Variants in ZSCAN20 observed in about 807,000 individuals in gnomAD.
ZSCAN20 encodes zinc finger and SCAN domain-containing protein 20.
Under a neutral mutation model 97.1 loss-of-function variants are expected in ZSCAN20, and 39 were observed. The observed-to-expected ratio is 0.40, with a 90% CI of 0.31 to 0.52. The LOEUF is 0.52. Among genes scored for constraint, ZSCAN20 ranks in the 20% least tolerant of loss-of-function variants. ZSCAN20 has a pLI of 0.49. For synonymous variants in ZSCAN20, 456 were observed against 467.3 expected (o/e 0.98, Z 0.31); for missense variants, 1,115 against 1,290.4 (o/e 0.86, Z 2.08).
intron 1 of ZSCAN20, among the ~76,000 whole-genome samples, chr1:33,475,227 A>G (rs1232286536): frequency 6.6e-6 from 1 of 152,208 alleles, no homozygotes; most frequent in Non-Finnish European, 1.5e-5. Flanking sequence ...ACCACTTGCT[A>G]GTTGTGTAAC....
chr1:33,476,768 A>G (rs116196154), intron 1 of ZSCAN20, among the ~76,000 whole-genome samples: 1 of 152,386 alleles, frequency 6.6e-6, no homozygotes, highest in African/African-American at 2.4e-5. Flanking sequence ...AAGAAATTTC[A>G]TGAAAGGCAA....
At chr1:33,488,019 T>C (rs907557482) in intron 2 of ZSCAN20, among the ~76,000 whole-genome samples, 5 of 152,164 alleles carry the variant, frequency 3.3e-5, no homozygotes, top group Non-Finnish European at 5.9e-5. Context: ...TCAGCAGAGA[T>C]ATTTAGAGCA....
At position 33,498,634 on chromosome 1, in the gene ZSCAN20, G is replaced by A. The variant is rs1652956365; in HGVS notation, c.*3158G>A. Among the ~76,000 whole-genome samples the A allele has an allele frequency of 6.6e-6, 1 of 152,188 alleles. No individual in the cohort carries two copies. Among genetic ancestry groups the A allele is most frequent in the African/African-American group, 2.4e-5 (1 of 41,452 alleles). The stretch of plus-strand genomic sequence containing the variant: ...GGGAAGTAGATTCACTCTGCAGAAT[G>A]GGTGGACAGTTTCTCAGCCTTCCTG... On this transcript the variant is annotated 3_prime_UTR_variant, in exon 8 of 8. Coordinates refer to ENST00000684572, the MANE Select transcript of ZSCAN20 (RefSeq NM_001377376.1).
intron 5 of ZSCAN20, among the ~76,000 whole-genome samples, 180 bp from the exon 6 acceptor site, chr1:33,490,845 T>A (rs1000208654): frequency 6.6e-6 from 1 of 152,050 alleles, no homozygotes; most frequent in Non-Finnish European, 1.5e-5. Context: ...ACTTAACATT[T>A]CTCATATATT....
chr1:33,479,547 A>G lies in ZSCAN20; in HGVS notation c.259A>G (p.Lys87Glu). The part of the protein sequence containing the change: ...CRWLRPEIRL[K>E]EQILELLVLE... ...TTGGCTGAGGCCGGAGATCCGTCTC[A>G]AAGAGCAGATCCTGGAGCTGCTCGT... The change falls in exon 2 of 8, where the codon AAA becomes GAA. Residue 87 changes from lysine (K) to glutamate (E), a missense_variant. Around this residue, in one of 3 missense-constraint regions of ZSCAN20, gnomAD observed 508 missense variants for 611.2 expected, o/e 0.83. Coordinates refer to ENST00000684572, the MANE Select transcript of ZSCAN20 (RefSeq NM_001377376.1). 1 of 1,613,836 alleles carries G rather than the reference A, an allele frequency of 6.2e-7. No individual in the cohort carries two copies.
At position 33,495,538 on chromosome 1, in the gene ZSCAN20, T is replaced by A. The variant is rs1024840866; in HGVS notation, c.*62T>A. 7.3e-7 allele frequency: 1 copy of A among 1,366,588 alleles called. No individual in the cohort carries two copies. Among genetic ancestry groups the A allele is most frequent in the Non-Finnish European group, 9.5e-7 (1 of 1,049,010 alleles). The allele number at this position is 1,366,588 out of a possible 1,614,324, so 84.7% of individuals were successfully genotyped here. ...TATATATCTTATATCATAAGATGTA[T>A]GCTAGAGATAAACTTTCCAATTTTT... On this transcript the variant is annotated 3_prime_UTR_variant, in exon 8 of 8. Transcript: ENST00000684572.
At chr1:33,486,660 CT>C (rs1464410964) in intron 2 of ZSCAN20, among the ~76,000 whole-genome samples, 1 of 152,152 alleles carries the variant, frequency 6.6e-6, no homozygotes, top group African/African-American at 2.4e-5. Flanking sequence ...AGAATCTTTG[CT>C]TAGGGATGGT....
At position 33,498,223 on chromosome 1, in the gene ZSCAN20, C is replaced by T. The variant is rs1652943244; in HGVS notation, c.*2747C>T. ...CTCACTGTGGAAGTCAAGCTGAGCT[C>T]TGTGTGGATGTGAGGTGGTAGTCCT... On this transcript the variant is annotated 3_prime_UTR_variant, in exon 8 of 8. Transcript: ENST00000684572. 6.6e-6 allele frequency among the ~76,000 whole-genome samples: 1 copy of T among 152,180 alleles called. No homozygotes were observed. The highest frequency in any genetic ancestry group is 1.5e-5 in the Non-Finnish European group (1 of 68,032).
Position 33,488,585 on chromosome 1 carries a change from A to C in ZSCAN20, c.538A>C (p.Asn180His). The C allele has an allele frequency of 6.2e-7, 1 of 1,613,286 alleles. No individual in the cohort carries two copies. Among genetic ancestry groups the C allele is most frequent in the Non-Finnish European group, 8.5e-7 (1 of 1,179,768 alleles). The stretch of plus-strand genomic sequence containing the variant: ...ACAGTCCCAGAAGAAGGGGGTGAAG[A>C]ATACATGCCCTGACCTTCCCAATCA... ...EGQSQKKGVK[N>H]TCPDLPNHLN... Residue 180 changes from asparagine to histidine, a missense_variant, in exon 3 of 8, where the codon AAT (asparagine) becomes CAT (histidine). Physicochemically the swap from Asn to His is moderately conservative, Grantham distance 68 (BLOSUM62 1). Coordinates refer to ENST00000684572, the MANE Select transcript of ZSCAN20 (RefSeq NM_001377376.1).
rs1383036983 is a variant in ZSCAN20, at chr1:33,497,107, A to C, written c.*1631A>C. 1.3e-5 allele frequency among the ~76,000 whole-genome samples: 2 copies of C among 152,176 alleles called. No homozygotes were observed. The highest frequency in any genetic ancestry group is 2.9e-5 in the Non-Finnish European group (2 of 68,028). Reference sequence around the variant, plus strand: ...AGTACCTATCAGATAGTGGATGTGAAGCAGCCTTGAAGAATGGAACTTTTA... The same window carrying C: ...AGTACCTATCAGATAGTGGATGTGACGCAGCCTTGAAGAATGGAACTTTTA... On this transcript the variant is annotated 3_prime_UTR_variant, in exon 8 of 8. Transcript: ENST00000684572.
In ZSCAN20 at chr1:33,493,503, C is replaced by T. The variant is rs762123970; in HGVS notation, c.1761C>T (p.Leu587=). ...AMGTVREAAG[L]PRCGQSSAET... ...GGACTGTCCGAGAGGCTGCAGGTCT[C>T]CCTAGGTGTGGGCAGAGTAGTGCTG... Residue 587 remains leucine, a synonymous_variant, in exon 7 of 8, where the codon CTC becomes CTT. Transcript: ENST00000684572. The surrounding 1 kb of genome is among the most constrained non-coding windows in gnomAD (Gnocchi z 4.3). The T allele has an allele frequency of 1.7e-5, 27 of 1,614,014 alleles. No individual in the cohort carries two copies. The highest frequency in any genetic ancestry group is 1.2e-4 in the South Asian group (11 of 91,084).
chr1:33,494,793 T>C lies in ZSCAN20; in HGVS notation c.2449T>C (p.Leu817=). 6.2e-7 allele frequency: 1 copy of C among 1,613,996 alleles called. No individual in the cohort carries two copies. Among genetic ancestry groups the C allele is most frequent in the Non-Finnish European group, 8.5e-7 (1 of 1,179,988 alleles). The part of the protein sequence containing the change: ...SNLLKHQRIH[L]GGNPDQCSEP... ...CCTTCTGAAACATCAGAGAATCCACTTGGGAGGAAATCCTGACCAGTGTAG... is the reference window on the plus strand; with the variant it reads ...CCTTCTGAAACATCAGAGAATCCACCTGGGAGGAAATCCTGACCAGTGTAG... Residue 817 remains leucine (L), a synonymous_variant, in exon 8 of 8, where the codon TTG becomes CTG. Transcript: ENST00000684572.
chr1:33,478,033 G>C (rs1158254831), intron 1 of ZSCAN20, among the ~76,000 whole-genome samples: 1 of 152,134 alleles, frequency 6.6e-6, no homozygotes, highest in Non-Finnish European at 1.5e-5. Flanking sequence ...CGTGGTGTAA[G>C]ATCTGGAAGC....
chr1:33,488,396 G>C, intron 2 of ZSCAN20, 69 bp from the exon 3 acceptor site: 1 of 1,521,782 alleles, frequency 6.6e-7, no homozygotes, highest in Non-Finnish European at 9.0e-7. Context: ...CTGGACTGCA[G>C]TTGTACTCAA....
Position 33,498,702 on chromosome 1 carries a change from T to C in ZSCAN20, c.*3226T>C, listed in dbSNP as rs1652958484. On this transcript the variant is annotated 3_prime_UTR_variant, in exon 8 of 8. Coordinates refer to ENST00000684572, the MANE Select transcript of ZSCAN20 (RefSeq NM_001377376.1). ...GGTTATGGAAAACCAAACCAGCAAA[T>C]GCTGCCCTGGGAGGGTGTTACATCA... Among the ~76,000 whole-genome samples, 1 of 152,146 alleles carries C rather than the reference T, an allele frequency of 6.6e-6. No individual in the cohort carries two copies.
In ZSCAN20 at chr1:33,479,621, G is replaced by T; in HGVS notation, c.333G>T (p.Val111=). The T allele has an allele frequency of 3.7e-6, 6 of 1,612,558 alleles. No homozygotes were observed. Among genetic ancestry groups the T allele is most frequent in the Non-Finnish European group, 5.1e-6 (6 of 1,179,318 alleles). Residue 111 remains valine (V), a synonymous_variant, in exon 2 of 8, where the codon GTG becomes GTT. Coordinates refer to ENST00000684572, the MANE Select transcript of ZSCAN20 (RefSeq NM_001377376.1). ...TILPREVQTW[V]QARHPESGEE... ...TGCCTAGGGAGGTCCAGACCTGGGT[G>T]CAGGCACGCCACCCTGAGAGTGGTG...
At position 33,495,529 on chromosome 1, in the gene ZSCAN20, T is replaced by A. The variant is rs1310361074; in HGVS notation, c.*53T>A. On this transcript the variant is annotated 3_prime_UTR_variant, in exon 8 of 8. Coordinates refer to ENST00000684572, the MANE Select transcript of ZSCAN20 (RefSeq NM_001377376.1). ...GACTCAATGTATATATCTTATATCA[T>A]AAGATGTATGCTAGAGATAAACTTT... 7.1e-7 allele frequency: 1 copy of A among 1,411,740 alleles called. No homozygotes were observed. Among genetic ancestry groups the A allele is most frequent in the African/African-American group, 1.4e-5 (1 of 70,440 alleles). 87.5% of individuals were successfully genotyped at this position (1,411,740 alleles called of 1,614,324 possible).
intron 1 of ZSCAN20, among the ~76,000 whole-genome samples, chr1:33,473,935 T>C (rs1651826258): frequency 6.6e-6 from 1 of 152,248 alleles, no homozygotes; most frequent in Non-Finnish European, 1.5e-5. Context: ...ATGAAGACCA[T>C]GCAGGGTAAG....
Position 33,494,432 on chromosome 1 carries a change from A to T in ZSCAN20, c.2088A>T (p.Lys696Asn). Residue 696 changes from lysine to asparagine, a missense_variant, in exon 8 of 8, where the codon AAA becomes AAT. By Grantham distance (94) the Lys-to-Asn change is moderately conservative. Transcript: ENST00000684572. ...GTTCTTCTGAAGAGGACTTAGAAAAACTTATTGACCATCAAGGCCTGTACC... is the reference window on the plus strand; with the variant it reads ...GTTCTTCTGAAGAGGACTTAGAAAATCTTATTGACCATCAAGGCCTGTACC... ...QESSSEEDLEKLIDHQGLYLA... is the reference protein window; with the variant it reads ...QESSSEEDLENLIDHQGLYLA... 2 of 1,613,428 alleles carry T rather than the reference A, an allele frequency of 1.2e-6. No homozygotes were observed. The highest frequency in any genetic ancestry group is 1.7e-6 in the Non-Finnish European group (2 of 1,179,634).
Sources: gnomAD v4.1 joint callset for allele counts (sites outside exome capture counted in the v4.1 genomes callset) on GRCh38, gnomAD v4.1.1 for gene constraint, gnomAD v4.1.1 regional missense constraint, Gnocchi (gnomAD v3.1) non-coding constraint, MANE v1.5 for transcripts, NCBI Gene and HGNC (gene_info 2026-07-23, HGNC 2026-07-21) for gene names.